The following SPEF2 variants were observed in gnomAD, a reference collection of about 807,000 sequenced individuals.
SPEF2 encodes the protein sperm flagella and cilia-associated protein 2.
SPEF2 carries 187 observed loss-of-function variants against 224.6 expected under a neutral mutation model. That is an observed-to-expected ratio of 0.83 (90% CI 0.74 to 0.94). The LOEUF (loss-of-function observed/expected upper bound fraction) is 0.94, where lower values mean the gene tolerates loss of function less well. Among genes scored for constraint, SPEF2 ranks in the 40% least tolerant of loss-of-function variants. The pLI is 0.00. For synonymous variants in SPEF2, 715 were observed against 707.3 expected (o/e 1.01, Z -0.17); for missense variants, 2,170 against 2,135.6 (o/e 1.02, Z -0.32).
intron 7 of SPEF2, among the ~76,000 whole-genome samples, chr5:35,658,745 AT>A (rs1200627556): frequency 1.3e-5 from 2 of 152,206 alleles, no homozygotes; most frequent in African/African-American, 4.8e-5. Flanking sequence ...TTGAAAAAAA[AT>A]CACCTAATTT....
At chr5:35,641,205 A>C (rs778324074) in intron 2 of SPEF2, among the ~76,000 whole-genome samples, 1 of 152,110 alleles carries the variant, frequency 6.6e-6, no homozygotes, top group Non-Finnish European at 1.5e-5. Flanking sequence ...GAGCAGAAAA[A>C]TTTTAGTGTA....
intron 2 of SPEF2, among the ~76,000 whole-genome samples, chr5:35,629,383 T>A (rs1043358572): frequency 1.3e-5 from 2 of 151,868 alleles, no homozygotes; most frequent in African/African-American, 4.8e-5. Context: ...GGTCTCGATC[T>A]CCTGACCTCG....
At chr5:35,746,045 C>A (rs1748478146) in intron 23 of SPEF2, among the ~76,000 whole-genome samples, 1 of 152,220 alleles carries the variant, frequency 6.6e-6, no homozygotes. Context: ...GGTAGACTTA[C>A]TGGGTGGCTA....
chr5:35,787,637 C>T (rs924660782), intron 30 of SPEF2, among the ~76,000 whole-genome samples: 9 of 152,100 alleles, frequency 5.9e-5, no homozygotes, highest in African/African-American at 7.2e-5. Flanking sequence ...ATCCATGCAA[C>T]GGTGATAATA....
intron 10 of SPEF2, among the ~76,000 whole-genome samples, chr5:35,682,721 C>G (rs1440561493): frequency 6.6e-6 from 1 of 152,182 alleles, no homozygotes; most frequent in Non-Finnish European, 1.5e-5. Context: ...ATTTTATGCA[C>G]TGACAAATAT....
At chr5:35,761,259 T>A (rs966185103) in intron 25 of SPEF2, among the ~76,000 whole-genome samples, 6 of 152,198 alleles carry the variant, frequency 3.9e-5, no homozygotes, top group Non-Finnish European at 5.9e-5. Flanking sequence ...ACAATTTATT[T>A]GTTGTCAAGT....
intron 10 of SPEF2, among the ~76,000 whole-genome samples, chr5:35,679,848 T>G (rs1752545457): frequency 6.6e-6 from 1 of 152,198 alleles, no homozygotes; most frequent in South Asian, 2.1e-4. Flanking sequence ...TTGCTACCCA[T>G]GTTCAAGTGT....
chr5:35,771,312 A>G (rs1197641805), intron 26 of SPEF2, among the ~76,000 whole-genome samples: 2 of 152,130 alleles, frequency 1.3e-5, no homozygotes, highest in Non-Finnish European at 2.9e-5. Context: ...TTGCATAACC[A>G]TGGAGTTGTG....
rs148246048 is a variant in SPEF2, at chr5:35,760,782, G to C, written c.3620+1063G>C. Among the ~76,000 whole-genome samples the C allele has an allele frequency of 3.2e-4, 49 of 152,292 alleles. 1 individual carries two copies. Among genetic ancestry groups the C allele is most frequent in the Non-Finnish European group, 3.7e-4 (25 of 68,024 alleles). On this transcript the variant is annotated intron_variant, in intron 25 of 36. Transcript: ENST00000356031. Reference sequence around the variant, plus strand: ...CTTCTAGAAATGGGAGTTAGGAGTGGTGGTGATTCCTGTGGCATGGTTTCC... The same window carrying C: ...CTTCTAGAAATGGGAGTTAGGAGTGCTGGTGATTCCTGTGGCATGGTTTCC...
intron 17 of SPEF2, among the ~76,000 whole-genome samples, 175 bp downstream of exon 17, chr5:35,704,837 A>C (rs568000293): frequency 6.6e-6 from 1 of 152,202 alleles, no homozygotes; most frequent in African/African-American, 2.4e-5. Context: ...GCTAGCTTTC[A>C]TATTTAGAGG....
chr5:35,736,116 TA>T (rs1746548461), intron 21 of SPEF2, among the ~76,000 whole-genome samples: 1 of 152,222 alleles, frequency 6.6e-6, no homozygotes. Flanking sequence ...GACACCTTTG[TA>T]GGAGATAATA....
At chr5:35,751,672 A>G (rs1414912278) in intron 23 of SPEF2, among the ~76,000 whole-genome samples, 1 of 152,202 alleles carries the variant, frequency 6.6e-6, no homozygotes, top group African/African-American at 2.4e-5. Context: ...AGGCTCCTCA[A>G]GGTAACAAAC....
chr5:35,797,218 G>T (rs1756786220), intron 33 of SPEF2, among the ~76,000 whole-genome samples: 1 of 152,112 alleles, frequency 6.6e-6, no homozygotes, highest in South Asian at 2.1e-4. Flanking sequence ...CCCACCTGCT[G>T]CTGGAAGATT....
chr5:35,783,159 T>C (rs745825054), intron 30 of SPEF2, among the ~76,000 whole-genome samples: 26 of 152,204 alleles, frequency 1.7e-4, no homozygotes, highest in Non-Finnish European at 2.2e-4. Context: ...TTCTGAATTA[T>C]AACAATAGCC....
chr5:35,778,219 C>T (rs1444409785), intron 29 of SPEF2, among the ~76,000 whole-genome samples: 1 of 152,102 alleles, frequency 6.6e-6, no homozygotes, highest in South Asian at 2.1e-4. Context: ...TAAACAAGAT[C>T]CTTTCTTCAA....
At chr5:35,619,639 T>A (rs949012373) in intron 1 of SPEF2, among the ~76,000 whole-genome samples, 5 of 152,066 alleles carry the variant, frequency 3.3e-5, no homozygotes, top group African/African-American at 9.7e-5. Flanking sequence ...ATCGCGCCAC[T>A]GCACTCCAGT....
intron 26 of SPEF2, chr5:35,764,756 T>A (rs1214626237): frequency 8.8e-6 from 4 of 455,870 alleles, no homozygotes; most frequent in Non-Finnish European, 1.8e-5. Context: ...GCCTTCAGGC[T>A]TCTTTTTCTC....
At position 35,712,890 on chromosome 5, in the gene SPEF2, CA is replaced by C. The variant is rs1561244837; in HGVS notation, c.2914+5del. On this transcript the variant is annotated splice_donor_5th_base_variant and intron_variant, in intron 20 of 36. Coordinates refer to ENST00000356031, the MANE Select transcript of SPEF2 (RefSeq NM_024867.4). ...GAGACCGCACTCAAAAGAAAAGGTA[CA>C]GCAGATAAAAATATATATAATTACA... The C allele has an allele frequency of 6.2e-7, 1 of 1,611,960 alleles. No individual in the cohort carries two copies. Among genetic ancestry groups the C allele is most frequent in the South Asian group, 1.1e-5 (1 of 90,806 alleles).
intron 2 of SPEF2, among the ~76,000 whole-genome samples, chr5:35,640,150 T>G (rs1232130472): frequency 6.6e-6 from 1 of 152,176 alleles, no homozygotes; most frequent in East Asian, 1.9e-4. Context: ...GAGAAAACTC[T>G]TCTCTCTTTT....
Sources: allele counts gnomAD v4.1 joint callset (sites outside exome capture counted in the v4.1 genomes callset), GRCh38; gene constraint gnomAD v4.1.1; transcripts MANE v1.5; gene names NCBI Gene and HGNC (gene_info 2026-07-23, HGNC 2026-07-21).